ASTN2: variants seen among roughly 807,000 people sequenced by gnomAD.
The protein encoded by ASTN2 is astrotactin 2.
Under a neutral mutation model 139.8 loss-of-function variants are expected in ASTN2, and 54 were observed. The ratio of observed to expected loss-of-function variants is 0.39; its 90% CI spans 0.31 to 0.48. The LOEUF is 0.48. ASTN2 is among the 20% of genes least tolerant of loss of function. The probability of loss-of-function intolerance (pLI) is 0.95; values close to 1 mark genes in which losing one functional copy is unlikely to be tolerated. For synonymous variants in ASTN2, 756 were observed against 719.5 expected (o/e 1.05, Z -0.81); for missense variants, 1,565 against 1,725.1 (o/e 0.91, Z 1.64).
chr9:116,799,347 C>A (rs991640321), intron 13 of ASTN2, among the ~76,000 whole-genome samples: 1 of 152,058 alleles, frequency 6.6e-6, no homozygotes, highest in South Asian at 2.1e-4. Context: ...CACATCTTAC[C>A]CCAAACTGTC....
intron 16 of ASTN2, among the ~76,000 whole-genome samples, chr9:116,664,724 G>T (rs965534098): frequency 2.6e-5 from 4 of 151,400 alleles, no homozygotes; most frequent in African/African-American, 7.3e-5. Flanking sequence ...TAATTGTTTA[G>T]AGAAAATAAC....
chr9:117,330,771 T>C (rs985457918), intron 1 of ASTN2, among the ~76,000 whole-genome samples: 2 of 152,168 alleles, frequency 1.3e-5, no homozygotes, highest in South Asian at 4.1e-4. Flanking sequence ...TTGTAGCTAG[T>C]TGTAACCATG....
Position 116,733,408 on chromosome 9 carries a change from G to C in ASTN2, c.2512C>G (p.Leu838Val). ...VLSEPLPDLQ[L>V]LTGDIRYDEA... ...GGCACATGTGTCTTACCAGTGAGCA[G>C]TTGGAGGTCTGGAAGGGGCTCGGAG... The change falls in exon 14 of 23, where the codon CTG becomes GTG. Residue 838 changes from leucine (L) to valine (V), a missense_variant. By Grantham distance (32) the Leu-to-Val change is conservative. Coordinates refer to ENST00000313400, the MANE Select transcript of ASTN2 (RefSeq NM_001365068.1). 1.2e-6 allele frequency: 2 copies of C among 1,614,130 alleles called. No individual in the cohort carries two copies. Among genetic ancestry groups the C allele is most frequent in the South Asian group, 2.2e-5 (2 of 91,074 alleles).
intron 2 of ASTN2, among the ~76,000 whole-genome samples, chr9:117,235,898 A>G (rs1833030846): frequency 6.6e-6 from 1 of 152,238 alleles, no homozygotes; most frequent in Non-Finnish European, 1.5e-5. Flanking sequence ...GGGAGAAAAC[A>G]TATTTTCATA....
chr9:117,414,985 G>T lies in ASTN2; in HGVS notation c.-47C>A. On this transcript the variant is annotated 5_prime_UTR_variant, in exon 1 of 23. Transcript: ENST00000313400. This position sits in a 1 kb window ranked among gnomAD's most constrained non-coding sequence, Gnocchi z 4.2. ...GCGGGCGGCGGCGGCGGTGGCGGCG[G>T]TGGCGAAGGAGGAAGAGGAGGCAGC... 4.6e-6 allele frequency: 1 copy of T among 215,520 alleles called. No homozygotes were observed. The highest frequency in any genetic ancestry group is 8.5e-6 in the Non-Finnish European group (1 of 117,618). The allele number at this position is 215,520 out of a possible 1,614,324, so 13.4% of individuals were successfully genotyped here.
intron 7 of ASTN2, among the ~76,000 whole-genome samples, chr9:117,006,541 C>T (rs1588475054): frequency 6.6e-6 from 1 of 152,182 alleles, no homozygotes; most frequent in East Asian, 1.9e-4. Context: ...CCACTACCAA[C>T]TCTTGCCTAG....
At chr9:116,648,065 G>C (rs1173738084) in intron 17 of ASTN2, among the ~76,000 whole-genome samples, 1 of 150,828 alleles carries the variant, frequency 6.6e-6, no homozygotes, top group Non-Finnish European at 1.5e-5. Flanking sequence ...GCAATGGTGC[G>C]ATCTTGGCTC....
intron 2 of ASTN2, among the ~76,000 whole-genome samples, chr9:117,279,058 G>A (rs1236218029): frequency 6.6e-6 from 1 of 152,130 alleles, no homozygotes; most frequent in Non-Finnish European, 1.5e-5. Context: ...TTTGTTTTTT[G>A]AGAATTAAAT....
At chr9:117,060,042 G>A (rs1239165219) in intron 5 of ASTN2, among the ~76,000 whole-genome samples, 1 of 152,078 alleles carries the variant, frequency 6.6e-6, no homozygotes, top group Non-Finnish European at 1.5e-5. Flanking sequence ...CAGGCGTGGT[G>A]GCTCATGCCT....
intron 11 of ASTN2, among the ~76,000 whole-genome samples, chr9:116,832,533 ATTCTT>A (rs1375687211): frequency 2.0e-5 from 3 of 151,704 alleles, no homozygotes; most frequent in Non-Finnish European, 4.4e-5. Context: ...GTTCTCTTCT[ATTCTT>A]ATTTTTTTTT....
At chr9:117,159,947 G>A (rs1252520644) in intron 3 of ASTN2, among the ~76,000 whole-genome samples, 1 of 152,098 alleles carries the variant, frequency 6.6e-6, no homozygotes, top group East Asian at 1.9e-4. Flanking sequence ...ATTGAGTTCA[G>A]GTTTACTTCA....
chr9:116,920,134 A>T (rs1834561171), intron 10 of ASTN2, among the ~76,000 whole-genome samples: 1 of 152,024 alleles, frequency 6.6e-6, no homozygotes, highest in African/African-American at 2.4e-5. Context: ...CTCTCTAAAG[A>T]TGGTCTGAGC....
At chr9:117,147,438 A>AC (rs1830222558) in intron 3 of ASTN2, among the ~76,000 whole-genome samples, 1 of 148,264 alleles carries the variant, frequency 6.7e-6, no homozygotes, top group Non-Finnish European at 1.5e-5. Flanking sequence ...TCTGACTCAA[A>AC]ACACACACAC....
chr9:117,081,304 C>G lies in ASTN2; in HGVS notation c.1276+14740G>C, dbSNP rs1828421168. On this transcript the variant is annotated intron_variant, in intron 5 of 22. Coordinates refer to ENST00000313400, the MANE Select transcript of ASTN2 (RefSeq NM_001365068.1). ...CGTGGAGCACTAGTTTTATTTGCAC[C>G]AAAGATGTTGAGGGAAGGACATGTT... is the stretch of plus-strand genomic sequence containing the variant. Among the ~76,000 whole-genome samples, 2 of 152,096 alleles carry G rather than the reference C, an allele frequency of 1.3e-5. 1 individual carries two copies. Among genetic ancestry groups the G allele is most frequent in the South Asian group, 4.1e-4 (2 of 4,822 alleles).
At chr9:117,004,584 G>C (rs1268918059) in intron 7 of ASTN2, among the ~76,000 whole-genome samples, 2 of 152,284 alleles carry the variant, frequency 1.3e-5, no homozygotes, top group East Asian at 3.9e-4. Context: ...GTCCCATTGA[G>C]AGGTGAAGAA....
rs9299242 is a variant in ASTN2, at chr9:116,889,720, TACACACACACACACACAC to T, written c.1890-26005_1890-25988del. On this transcript the variant is annotated intron_variant, in intron 10 of 22. Transcript: ENST00000313400. ...GGGCAACATAGCAAGACCTTGTCTC[TACACACACACACACACAC>T]ACACACACACACACACACACACACA... 8.5e-3 allele frequency among the ~76,000 whole-genome samples: 1,158 copies of T among 136,676 alleles called. 14 individuals are homozygous for T. Among genetic ancestry groups the T allele is most frequent in the Middle Eastern group, 0.024 (7 of 286 alleles). 89.7% of individuals were successfully genotyped at this position (136,676 alleles called of 152,430 possible). A position where few individuals can be genotyped will look rare whatever the true frequency, so the allele number is the denominator to read the frequency against.
intron 1 of ASTN2, among the ~76,000 whole-genome samples, chr9:117,353,379 C>T (rs768134166): frequency 2.8e-4 from 42 of 152,172 alleles, no homozygotes; most frequent in Non-Finnish European, 4.9e-4. Context: ...ATGGTCAACA[C>T]TAGCCACACA....
chr9:116,818,057 A>T lies in ASTN2; in HGVS notation c.2207+2560T>A, dbSNP rs981723505. 7.6e-3 allele frequency among the ~76,000 whole-genome samples: 96 copies of T among 12,690 alleles called. 2 individuals are homozygous for T. The East Asian group carries it at 0.16, about 22-fold the overall frequency. 8.3% of individuals were successfully genotyped at this position (12,690 alleles called of 152,430 possible). A position where few individuals can be genotyped will look rare whatever the true frequency, so the allele number is the denominator to read the frequency against. On this transcript the variant is annotated intron_variant, in intron 12 of 22. Transcript: ENST00000313400. ...CTGAGCCACTCTGTGCTTTTTTTAA[A>T]AAAAAAAAACATAAAATGGGAATCA...
intron 3 of ASTN2, among the ~76,000 whole-genome samples, chr9:117,191,601 G>T (rs1588058588): frequency 6.6e-6 from 1 of 152,326 alleles, no homozygotes; most frequent in East Asian, 1.9e-4. Context: ...CCAGAGGCAG[G>T]CTGGTTCTTT....
Sources: allele counts gnomAD v4.1 joint callset (sites outside exome capture counted in the v4.1 genomes callset), GRCh38; gene constraint gnomAD v4.1.1; non-coding constraint Gnocchi (gnomAD v3.1); transcripts MANE v1.5; gene names NCBI Gene and HGNC (gene_info 2026-07-23, HGNC 2026-07-21).